The following SMYD3 variants were observed in gnomAD, a reference collection of about 807,000 sequenced individuals.
SMYD3 encodes the protein histone-lysine N-methyltransferase SMYD3.
In SMYD3, 36 loss-of-function variants were observed where a neutral mutation model predicts 57.7. The observed-to-expected ratio is 0.62, with a 90% CI of 0.48 to 0.82. The LOEUF (loss-of-function observed/expected upper bound fraction) is 0.82, where lower values mean the gene tolerates loss of function less well. Among genes scored for constraint, SMYD3 ranks in the 40% least tolerant of loss-of-function variants. The probability of loss-of-function intolerance (pLI) is 0.00; values close to 1 mark genes in which losing one functional copy is unlikely to be tolerated. For missense variants in SMYD3, 515 were observed against 538.8 expected, an observed-to-expected ratio of 0.96 and a Z score of 0.44; for synonymous variants, 211 against 195.0, an observed-to-expected ratio of 1.08 and a Z score of -0.68.
chr1:245,797,876 T>C (rs2047617431), intron 10 of SMYD3, among the ~76,000 whole-genome samples: 1 of 147,582 alleles, frequency 6.8e-6, no homozygotes, highest in Non-Finnish European at 1.5e-5. Context: ...GCGAGGCTCA[T>C]TGCTTGTGGT....
At chr1:246,068,649 TAC>T (rs2148374891) in intron 5 of SMYD3, among the ~76,000 whole-genome samples, 1 of 152,318 alleles carries the variant, frequency 6.6e-6, no homozygotes, top group Admixed American at 6.5e-5. Flanking sequence ...CATAATCAGG[TAC>T]ATGAGTTTAC....
At chr1:245,757,785 T>C (rs1181275248) in intron 11 of SMYD3, among the ~76,000 whole-genome samples, 1 of 152,204 alleles carries the variant, frequency 6.6e-6, no homozygotes, top group Non-Finnish European at 1.5e-5. Flanking sequence ...TTGGTCTATA[T>C]GTCCATCTAT....
intron 10 of SMYD3, among the ~76,000 whole-genome samples, chr1:245,816,517 TA>T (rs35612835): frequency 0.036 from 3,639 of 100,132 alleles, 164 homozygotes; most frequent in African/African-American, 0.13. Context: ...TTCATCTATG[TA>T]AAAAAAAAAA....
intron 10 of SMYD3, chr1:245,814,209 C>G (rs2048658329): frequency 4.9e-6 from 1 of 202,454 alleles, no homozygotes; most frequent in African/African-American, 2.4e-5. Context: ...AACTGCAGTT[C>G]TGAGGACAAG....
At chr1:246,330,643 G>T (rs980752701) in intron 3 of SMYD3, 106 bp from the exon 4 acceptor site, 6 of 884,836 alleles carry the variant, frequency 6.8e-6, no homozygotes, top group African/African-American at 5.1e-5. Flanking sequence ...CCATCAAAAA[G>T]AACATTTTCT....
At chr1:246,045,459 T>C (rs2059947415) in intron 5 of SMYD3, among the ~76,000 whole-genome samples, 1 of 152,138 alleles carries the variant, frequency 6.6e-6, no homozygotes, top group Non-Finnish European at 1.5e-5. Context: ...ATCCCTTCCT[T>C]ACACTTTATA....
chr1:246,209,263 G>A (rs547677274), intron 5 of SMYD3, among the ~76,000 whole-genome samples: 9 of 152,184 alleles, frequency 5.9e-5, no homozygotes, highest in African/African-American at 1.9e-4. Flanking sequence ...AATAACTTCT[G>A]AACAATTTGA....
chr1:246,411,816 G>A (rs1364000075), intron 1 of SMYD3, among the ~76,000 whole-genome samples: 1 of 126,154 alleles, frequency 7.9e-6, no homozygotes, highest in Admixed American at 8.9e-5. Flanking sequence ...CACACACCAG[G>A]GACTGTTGTG....
chr1:246,257,109 G>T (rs1353311859), intron 5 of SMYD3, among the ~76,000 whole-genome samples: 1 of 152,176 alleles, frequency 6.6e-6, no homozygotes, highest in African/African-American at 2.4e-5. Flanking sequence ...TATGTTCCAG[G>T]TGCAGATGAG....
intron 5 of SMYD3, among the ~76,000 whole-genome samples, chr1:246,255,927 A>AAGATAGATAGAT (rs55974041): frequency 0.01 from 1,239 of 121,240 alleles, 6 homozygotes; most frequent in East Asian, 0.012. Flanking sequence ...CATAACTAAT[A>AAGATAGATAGAT]AGATAGATAG....
intron 1 of SMYD3, among the ~76,000 whole-genome samples, chr1:246,385,889 T>C (rs2066469492): frequency 6.6e-6 from 1 of 152,038 alleles, no homozygotes; most frequent in Non-Finnish European, 1.5e-5. Context: ...AGGAAGGCAG[T>C]AGAACACATA....
intron 1 of SMYD3, among the ~76,000 whole-genome samples, chr1:246,419,965 G>C (rs1006622500): frequency 2.6e-5 from 4 of 152,256 alleles, no homozygotes; most frequent in African/African-American, 7.2e-5. Context: ...GGAGGCCGAG[G>C]CAGGGGGATC....
chr1:246,210,636 G>A (rs2063070511), intron 5 of SMYD3, among the ~76,000 whole-genome samples: 1 of 151,886 alleles, frequency 6.6e-6, no homozygotes, highest in Non-Finnish European at 1.5e-5. Flanking sequence ...CTTGAACCCG[G>A]GAAGCGGAGG....
At chr1:246,000,447 G>A (rs544175443) in intron 5 of SMYD3, among the ~76,000 whole-genome samples, 5 of 152,278 alleles carry the variant, frequency 3.3e-5, no homozygotes, top group African/African-American at 1.2e-4. Flanking sequence ...TCCCACTGGG[G>A]TAGAAAGGGC....
intron 5 of SMYD3, among the ~76,000 whole-genome samples, chr1:246,057,463 G>T (rs1187247452): frequency 1.3e-5 from 2 of 152,130 alleles, no homozygotes; most frequent in Non-Finnish European, 2.9e-5. Context: ...CATTAAAAAT[G>T]TATGATGGAT....
chr1:246,414,510 T>C (rs1265084098), intron 1 of SMYD3, among the ~76,000 whole-genome samples: 1 of 152,148 alleles, frequency 6.6e-6, no homozygotes, highest in Non-Finnish European at 1.5e-5. Flanking sequence ...AGATTTAGAA[T>C]GCATGGTGTC....
chr1:246,356,184 G>C (rs1334483364), intron 1 of SMYD3, among the ~76,000 whole-genome samples: 3 of 152,176 alleles, frequency 2.0e-5, no homozygotes, highest in Non-Finnish European at 2.9e-5. Context: ...GCTAGACCCA[G>C]AAGAGCAAAA....
At chr1:245,847,603 T>C (rs1406246524) in intron 10 of SMYD3, among the ~76,000 whole-genome samples, 2 of 152,202 alleles carry the variant, frequency 1.3e-5, no homozygotes, top group South Asian at 2.1e-4. Flanking sequence ...CTACTTTCTC[T>C]TCCACGAGGT....
At chr1:246,307,878 G>C (rs2065013845) in intron 5 of SMYD3, among the ~76,000 whole-genome samples, 1 of 152,146 alleles carries the variant, frequency 6.6e-6, no homozygotes, top group African/African-American at 2.4e-5. Flanking sequence ...TGAACCAGCA[G>C]CAAGAAGCTC....
Sources: gnomAD v4.1 joint callset for allele counts (sites outside exome capture counted in the v4.1 genomes callset) on GRCh38, gnomAD v4.1.1 for gene constraint, MANE v1.5 for transcripts, NCBI Gene and HGNC (gene_info 2026-07-23, HGNC 2026-07-21) for gene names.